AAK1: variants seen among roughly 807,000 people sequenced by gnomAD.
The protein encoded by AAK1 is AP2 associated kinase 1, also known as AP2-associated protein kinase 1.
Under a neutral mutation model 116.0 loss-of-function variants are expected in AAK1, and 37 were observed. That is an observed-to-expected ratio of 0.32 (90% confidence interval 0.25 to 0.42). AAK1 has a LOEUF of 0.42. Ranked by LOEUF, AAK1 falls within the 10% of genes least tolerant of loss-of-function variation. The pLI, the probability that AAK1 is intolerant of heterozygous loss-of-function variation, is 1.00. For synonymous variants in AAK1, 458 were observed against 439.9 expected, an observed-to-expected ratio of 1.04 and a Z score of -0.51; for missense variants, 919 against 1,170.6, an observed-to-expected ratio of 0.79 and a Z score of 3.14.
intron 2 of AAK1, among the ~76,000 whole-genome samples, chr2:69,622,266 C>T (rs531255074): frequency 3.9e-5 from 6 of 152,328 alleles, no homozygotes; most frequent in South Asian, 4.1e-4. Context: ...GCTGCCTCCC[C>T]GCGGGGCAGG....
intron 16 of AAK1, among the ~76,000 whole-genome samples, chr2:69,497,522 G>C (rs552570005): frequency 6.6e-6 from 1 of 151,804 alleles, no homozygotes; most frequent in East Asian, 1.9e-4. Flanking sequence ...GGCTGCTCTT[G>C]AACTCCTGAC....
In AAK1 at chr2:69,469,883, C is replaced by T; in HGVS notation, c.*5986G>A. On this transcript the variant is annotated 3_prime_UTR_variant, in exon 22 of 22. Transcript: ENST00000409085. Reference sequence around the variant, plus strand: ...CTCCATATTAGTCTATTTTGAGGCTCCAAATTATGTAGATTTCAGCAAGAA... The same window carrying T: ...CTCCATATTAGTCTATTTTGAGGCTTCAAATTATGTAGATTTCAGCAAGAA... 1.0e-6 allele frequency: 1 copy of T among 985,386 alleles called. No homozygotes were observed. Among genetic ancestry groups the T allele is most frequent in the African/African-American group, 1.7e-5 (1 of 57,336 alleles). 61.0% of individuals were successfully genotyped at this position (985,386 alleles called of 1,614,324 possible). A position where few individuals can be genotyped will look rare whatever the true frequency, so the allele number is the denominator to read the frequency against.
intron 16 of AAK1, among the ~76,000 whole-genome samples, chr2:69,503,505 T>A (rs1234369664): frequency 6.6e-6 from 1 of 152,106 alleles, no homozygotes; most frequent in Non-Finnish European, 1.5e-5. Flanking sequence ...ATCTGGTGTA[T>A]CCTAGAAGTT....
chr2:69,614,756 AC>A (rs1377723598), intron 2 of AAK1, among the ~76,000 whole-genome samples: 1 of 152,142 alleles, frequency 6.6e-6, no homozygotes, highest in African/African-American at 2.4e-5. Flanking sequence ...ATGCTGGCAG[AC>A]CCTAAATCTA....
chr2:69,481,992 A>C (rs1675106997), intron 18 of AAK1: 1 of 152,068 alleles, frequency 6.6e-6, no homozygotes, highest in African/African-American at 2.4e-5. Context: ...TTTTTTTTGT[A>C]GGGATGGGGT....
At chr2:69,524,909 T>G in intron 10 of AAK1, 124 bp downstream of exon 10, 1 of 882,918 alleles carries the variant, frequency 1.1e-6, no homozygotes, top group East Asian at 2.5e-5. Context: ...AAGACAGAGC[T>G]TGCTTTCCTG....
chr2:69,632,161 C>A (rs17036881), intron 2 of AAK1, among the ~76,000 whole-genome samples: 7,417 of 152,186 alleles, frequency 0.049, 461 homozygotes, highest in East Asian at 0.17. Context: ...AAACACAGAA[C>A]ATCTGAATTA....
At chr2:69,489,125 A>G (rs1675419533) in intron 17 of AAK1, among the ~76,000 whole-genome samples, 1 of 150,268 alleles carries the variant, frequency 6.7e-6, no homozygotes, top group Non-Finnish European at 1.5e-5. Context: ...GGATTACAGG[A>G]GCGAGCCACC....
At position 69,466,749 on chromosome 2, in the gene AAK1, T is replaced by A. The variant is rs1434660118; in HGVS notation, c.*9120A>T. ...CACAATCAACCACTGTCTCACGTTT[T>A]GGAACATGATAGGCACGACGTACAG... On this transcript the variant is annotated 3_prime_UTR_variant, in exon 22 of 22. Transcript: ENST00000409085. 1.0e-6 allele frequency: 1 copy of A among 985,222 alleles called. No individual in the cohort carries two copies. The highest frequency in any genetic ancestry group is 1.7e-5 in the African/African-American group (1 of 57,192). The allele number at this position is 985,222 out of a possible 1,614,324, so 61.0% of individuals were successfully genotyped here. A position where few individuals can be genotyped will look rare whatever the true frequency, so the allele number is the denominator to read the frequency against.
At chr2:69,563,124 T>C (rs1235999904) in intron 2 of AAK1, among the ~76,000 whole-genome samples, 1 of 152,180 alleles carries the variant, frequency 6.6e-6, no homozygotes, top group Non-Finnish European at 1.5e-5. Context: ...GTCACCATGA[T>C]ATTCAATTCA....
chr2:69,508,998 T>G (rs1488221698), intron 14 of AAK1, among the ~76,000 whole-genome samples: 1 of 152,146 alleles, frequency 6.6e-6, no homozygotes, highest in African/African-American at 2.4e-5. Flanking sequence ...TTTCTTAAGA[T>G]TAGTATGGCC....
intron 17 of AAK1, among the ~76,000 whole-genome samples, chr2:69,486,699 A>G (rs1675314367): frequency 6.6e-6 from 1 of 152,184 alleles, no homozygotes; most frequent in Non-Finnish European, 1.5e-5. Flanking sequence ...TTCATTCATT[A>G]TTCAAAAACC....
In AAK1 at chr2:69,472,494, A is replaced by G. The variant is rs1425030058; in HGVS notation, c.*3375T>C. On this transcript the variant is annotated 3_prime_UTR_variant, in exon 22 of 22. Transcript: ENST00000409085. ...AACTTCTTAAGTAAAACTAGATGAC[A>G]TTGAGGGGAACAACACTTAATTAGA... The G allele has an allele frequency of 1.7e-6, 1 of 574,208 alleles. No homozygotes were observed. Among genetic ancestry groups the G allele is most frequent in the Non-Finnish European group, 2.2e-6 (1 of 454,574 alleles). 35.6% of individuals were successfully genotyped at this position (574,208 alleles called of 1,614,324 possible).
At chr2:69,633,471 C>T (rs767660713) in intron 2 of AAK1, among the ~76,000 whole-genome samples, 4 of 151,452 alleles carry the variant, frequency 2.6e-5, no homozygotes, top group Non-Finnish European at 5.9e-5. Flanking sequence ...CATGGTGGTA[C>T]GCGCCTGCAG....
rs1359747011 is a variant in AAK1 at position 69,533,323 on chromosome 2, T to C, written c.535-1161A>G. Among the ~76,000 whole-genome samples, 4 of 152,148 alleles carry C rather than the reference T, an allele frequency of 2.6e-5. No individual in the cohort carries two copies. In the East Asian group the frequency reaches 7.7e-4, roughly 29 times the overall value. On this transcript the variant is annotated intron_variant, in intron 5 of 21. Transcript: ENST00000409085. ...CCAAAAAACACTGTGTAGGTGTGTG[T>C]ATGTGTGTGCAAACCTGGTGTGTCA...
At chr2:69,610,003 A>G (rs1674000814) in intron 2 of AAK1, among the ~76,000 whole-genome samples, 1 of 148,122 alleles carries the variant, frequency 6.8e-6, no homozygotes, top group South Asian at 2.2e-4. Flanking sequence ...GTGAGCCGAG[A>G]TCACACCACT....
At chr2:69,583,909 C>T (rs1345096809) in intron 2 of AAK1, among the ~76,000 whole-genome samples, 2 of 152,226 alleles carry the variant, frequency 1.3e-5, no homozygotes, top group African/African-American at 2.4e-5. Context: ...ATTTCTCACT[C>T]TTTCCCCTGA....
intron 16 of AAK1, among the ~76,000 whole-genome samples, chr2:69,496,889 G>A (rs968476257): frequency 2.0e-5 from 3 of 152,068 alleles, no homozygotes; most frequent in Non-Finnish European, 4.4e-5. Flanking sequence ...TAGACTTCTT[G>A]CCTATTCCAA....
intron 2 of AAK1, among the ~76,000 whole-genome samples, chr2:69,558,754 A>G (rs965575392): frequency 2.0e-5 from 3 of 152,228 alleles, no homozygotes; most frequent in African/African-American, 7.2e-5. Flanking sequence ...TAGGAGCCAC[A>G]TGCAAAATTG....
Sources: allele counts gnomAD v4.1 joint callset (sites outside exome capture counted in the v4.1 genomes callset), GRCh38; gene constraint gnomAD v4.1.1; transcripts MANE v1.5; gene names NCBI Gene and HGNC (gene_info 2026-07-23, HGNC 2026-07-21).